Variants in NTF3 observed in about 807,000 individuals in gnomAD.
NTF3 encodes the protein neurotrophin 3.
Under a neutral mutation model 26.3 loss-of-function variants are expected in NTF3, and 8 were observed. That is an observed-to-expected ratio of 0.30 (90% CI 0.18 to 0.55). The LOEUF (loss-of-function observed/expected upper bound fraction) is 0.55. Ranked by LOEUF, NTF3 falls within the 20% of genes least tolerant of loss-of-function variation. NTF3 has a pLI of 0.93. For synonymous variants in NTF3, 154 were observed against 145.5 expected (o/e 1.06, Z -0.42); for missense variants, 276 against 352.9 (o/e 0.78, Z 1.75).
intron 1 of NTF3, among the ~76,000 whole-genome samples, chr12:5,491,788 T>C (rs935127099): frequency 1.3e-5 from 2 of 149,874 alleles, no homozygotes; most frequent in African/African-American, 4.9e-5. Flanking sequence ...GGCGTGATGT[T>C]GGCTCACTGT....
chr12:5,459,053 G>A (rs1940491773), intron 1 of NTF3, among the ~76,000 whole-genome samples: 1 of 152,190 alleles, frequency 6.6e-6, no homozygotes, highest in Non-Finnish European at 1.5e-5. Flanking sequence ...TAACAACGAA[G>A]CCTGGAGCTT....
chr12:5,483,305 C>A lies in NTF3; in HGVS notation c.19-10889C>A, dbSNP rs551481796. 2.0e-5 allele frequency among the ~76,000 whole-genome samples: 3 copies of A among 152,270 alleles called. No homozygotes were observed. In the East Asian group the frequency reaches 5.8e-4, roughly 29 times the overall value. ...CTGTTTCGCCACTTTGCAGTCCGACCCGTGGGGCTTGCAGACCCTCTTCTG... is the reference window on the plus strand; with the variant it reads ...CTGTTTCGCCACTTTGCAGTCCGACACGTGGGGCTTGCAGACCCTCTTCTG... On this transcript the variant is annotated intron_variant, in intron 1 of 1. Coordinates refer to ENST00000423158, the MANE Select transcript of NTF3 (RefSeq NM_001102654.2).
At position 5,495,032 on chromosome 12, in the gene NTF3, TG is replaced by T; in HGVS notation, c.*45del. ...ATATAAATTATTACTTTAAATTATA[TG>T]ATATGCATGTAGCATATAAATGTTT... On this transcript the variant is annotated 3_prime_UTR_variant, in exon 2 of 2. Coordinates refer to ENST00000423158, the MANE Select transcript of NTF3 (RefSeq NM_001102654.2). The T allele has an allele frequency of 6.6e-7, 1 of 1,515,304 alleles. No homozygotes were observed. The highest frequency in any genetic ancestry group is 1.2e-5 in the South Asian group (1 of 83,436). 93.9% of individuals were successfully genotyped at this position (1,515,304 alleles called of 1,614,324 possible). A position where few individuals can be genotyped will look rare whatever the true frequency, so the allele number is the denominator to read the frequency against.
chr12:5,432,597 A>T (rs1045718410), intron 1 of NTF3, among the ~76,000 whole-genome samples: 2 of 150,726 alleles, frequency 1.3e-5, no homozygotes, highest in African/African-American at 4.9e-5. Flanking sequence ...ACACACACAC[A>T]CACACACACA....
chr12:5,459,009 C>T (rs969519866), intron 1 of NTF3, among the ~76,000 whole-genome samples: 5 of 152,182 alleles, frequency 3.3e-5, no homozygotes, highest in South Asian at 4.1e-4. Flanking sequence ...AAATCCCACT[C>T]GCCCTAGAAC....
At chr12:5,471,286 AC>A (rs1288665751) in intron 1 of NTF3, among the ~76,000 whole-genome samples, 2 of 152,152 alleles carry the variant, frequency 1.3e-5, no homozygotes, top group African/African-American at 4.8e-5. Flanking sequence ...CTAGTGGGTG[AC>A]CTTAGAAATG....
At chr12:5,480,507 C>A (rs965415003) in intron 1 of NTF3, among the ~76,000 whole-genome samples, 3 of 152,130 alleles carry the variant, frequency 2.0e-5, no homozygotes, top group Non-Finnish European at 2.9e-5. Context: ...TGGCGGCGGG[C>A]GGGCTGGAGC....
intron 1 of NTF3, among the ~76,000 whole-genome samples, chr12:5,473,812 A>G (rs1195738798): frequency 1.3e-5 from 2 of 152,026 alleles, no homozygotes; most frequent in African/African-American, 4.8e-5. Context: ...TGAGATTTTT[A>G]TTTTTCTCTT....
chr12:5,461,160 A>G (rs1356204666), intron 1 of NTF3, among the ~76,000 whole-genome samples: 2 of 152,310 alleles, frequency 1.3e-5, no homozygotes, highest in South Asian at 2.1e-4. Flanking sequence ...TGTGCGAACC[A>G]TAATTATTTT....
intron 1 of NTF3, among the ~76,000 whole-genome samples, chr12:5,464,561 C>A (rs1203874541): frequency 6.6e-6 from 1 of 152,166 alleles, no homozygotes; most frequent in Non-Finnish European, 1.5e-5. Context: ...AGCATCTCCA[C>A]AGATTCCTGA....
intron 1 of NTF3, among the ~76,000 whole-genome samples, chr12:5,452,912 A>G (rs1940393934): frequency 6.6e-6 from 1 of 152,166 alleles, no homozygotes; most frequent in Non-Finnish European, 1.5e-5. Context: ...AGCTAAGTGC[A>G]CATCTCATGT....
chr12:5,463,920 G>A (rs886874053), intron 1 of NTF3, among the ~76,000 whole-genome samples: 9 of 152,156 alleles, frequency 5.9e-5, no homozygotes, highest in Non-Finnish European at 1.2e-4. Flanking sequence ...AAATAAATAA[G>A]TGATTTATTT....
chr12:5,487,340 T>TA (rs1367555134), intron 1 of NTF3, among the ~76,000 whole-genome samples: 3 of 152,248 alleles, frequency 2.0e-5, no homozygotes, highest in Admixed American at 2.0e-4. Context: ...ATTCCTCTCC[T>TA]AACAGCTGTG....
chr12:5,456,856 C>T lies in NTF3; in HGVS notation c.18+24514C>T, dbSNP rs1940458769. On this transcript the variant is annotated intron_variant, in intron 1 of 1. Transcript: ENST00000423158. This position sits in a 1 kb window ranked among gnomAD's most constrained non-coding sequence, Gnocchi z 4.4. ...ATTTGGGCCCGAGTTGACCCAGAGT[C>T]CCTAAATGACTGCTGTGTAGCTACC... 6.6e-6 allele frequency among the ~76,000 whole-genome samples: 1 copy of T among 152,214 alleles called. No individual in the cohort carries two copies. Among genetic ancestry groups the T allele is most frequent in the South Asian group, 2.1e-4 (1 of 4,826 alleles).
chr12:5,468,610 AAT>A (rs1940621232), intron 1 of NTF3, among the ~76,000 whole-genome samples: 1 of 152,246 alleles, frequency 6.6e-6, no homozygotes, highest in South Asian at 2.1e-4. Context: ...CTATAAAGAC[AAT>A]ATGGATGTAA....
At chr12:5,492,194 C>A (rs148507002) in intron 1 of NTF3, among the ~76,000 whole-genome samples, 1 of 152,320 alleles carries the variant, frequency 6.6e-6, no homozygotes, top group Non-Finnish European at 1.5e-5. Flanking sequence ...CCAGCATTCT[C>A]CCTCTCAGTT....
chr12:5,464,476 A>C (rs1450437584), intron 1 of NTF3, among the ~76,000 whole-genome samples: 1 of 152,216 alleles, frequency 6.6e-6, no homozygotes, highest in Admixed American at 6.5e-5. Flanking sequence ...CCCATCATTA[A>C]TTGAAGATAC....
chr12:5,450,502 A>T lies in NTF3; in HGVS notation c.18+18160A>T, dbSNP rs138965581. Among the ~76,000 whole-genome samples, 3 of 152,290 alleles carry T rather than the reference A, an allele frequency of 2.0e-5. No individual in the cohort carries two copies. The East Asian group carries it at 5.8e-4, about 29-fold the overall frequency. On this transcript the variant is annotated intron_variant, in intron 1 of 1. Transcript: ENST00000423158. ...TATTGGTTTAATTTTTCCCTATCACATTGCCTCTGCAACTTCTGAATGGTT... is the reference window on the plus strand; with the variant it reads ...TATTGGTTTAATTTTTCCCTATCACTTTGCCTCTGCAACTTCTGAATGGTT...
intron 1 of NTF3, among the ~76,000 whole-genome samples, chr12:5,442,986 T>A (rs1940258673): frequency 6.6e-6 from 1 of 152,096 alleles, no homozygotes; most frequent in African/African-American, 2.4e-5. Flanking sequence ...ATCTGGGTGG[T>A]AGGGACTACA....
Sources: gnomAD v4.1 joint callset for allele counts (sites outside exome capture counted in the v4.1 genomes callset) on GRCh38, gnomAD v4.1.1 for gene constraint, Gnocchi (gnomAD v3.1) non-coding constraint, MANE v1.5 for transcripts, NCBI Gene and HGNC (gene_info 2026-07-23, HGNC 2026-07-21) for gene names.